The following CCSER1 variants were observed in gnomAD, a reference collection of about 807,000 sequenced individuals.
CCSER1 encodes coiled-coil serine rich protein 1.
CCSER1 carries 41 observed loss-of-function variants against 82.0 expected under a neutral mutation model. That is an observed-to-expected ratio of 0.50 (90% confidence interval 0.39 to 0.65). CCSER1 has a LOEUF of 0.65. CCSER1 is among the 30% of genes least tolerant of loss of function. CCSER1 has a pLI of 0.00. For synonymous variants in CCSER1, 414 were observed against 383.9 expected (o/e 1.08, Z -0.92); for missense variants, 1,119 against 1,064.2 (o/e 1.05, Z -0.72).
At chr4:91,342,959 A>G (rs1403123676) in intron 10 of CCSER1, among the ~76,000 whole-genome samples, 1 of 152,118 alleles carries the variant, frequency 6.6e-6, no homozygotes, top group Non-Finnish European at 1.5e-5. Flanking sequence ...TTTAAAGTTT[A>G]TTATATTTTT....
chr4:90,974,047 C>G (rs1735370504), intron 9 of CCSER1, among the ~76,000 whole-genome samples: 1 of 151,368 alleles, frequency 6.6e-6, no homozygotes, highest in African/African-American at 2.4e-5. Context: ...TGGTGGTTTT[C>G]AGGGGCTGGG....
intron 8 of CCSER1, among the ~76,000 whole-genome samples, chr4:90,880,479 C>A (rs1721139108): frequency 6.6e-6 from 1 of 152,170 alleles, no homozygotes; most frequent in African/African-American, 2.4e-5. Context: ...GGGTCAACTG[C>A]AGCTTATTGG....
chr4:90,163,220 T>G (rs898883431), intron 1 of CCSER1, among the ~76,000 whole-genome samples: 23 of 152,198 alleles, frequency 1.5e-4, no homozygotes, highest in African/African-American at 5.1e-4. Context: ...ATTGCATTGT[T>G]AAAGGCAGGT....
At chr4:90,726,012 T>C (rs780209367) in intron 7 of CCSER1, among the ~76,000 whole-genome samples, 4 of 151,932 alleles carry the variant, frequency 2.6e-5, no homozygotes, top group Non-Finnish European at 5.9e-5. Flanking sequence ...ATACAGTGAT[T>C]TCAGCACTCA....
chr4:91,517,257 C>T (rs977607330), intron 10 of CCSER1, among the ~76,000 whole-genome samples: 1 of 152,114 alleles, frequency 6.6e-6, no homozygotes, highest in Non-Finnish European at 1.5e-5. Context: ...TGAGAGAGGG[C>T]ATCTTTGTGT....
chr4:90,660,490 A>AT (rs1400980453), intron 6 of CCSER1, among the ~76,000 whole-genome samples: 1 of 152,104 alleles, frequency 6.6e-6, no homozygotes, highest in Non-Finnish European at 1.5e-5. Flanking sequence ...GTGTCATAAC[A>AT]TTTCAAATTG....
chr4:90,917,736 A>G (rs1179651624), intron 8 of CCSER1, among the ~76,000 whole-genome samples: 1 of 152,138 alleles, frequency 6.6e-6, no homozygotes, highest in Non-Finnish European at 1.5e-5. Context: ...CCTAAAAAAA[A>G]TCTTTTATTA....
chr4:90,890,407 T>G (rs185519938), intron 8 of CCSER1, among the ~76,000 whole-genome samples: 6 of 152,188 alleles, frequency 3.9e-5, no homozygotes, highest in Non-Finnish European at 7.3e-5. Flanking sequence ...TTTACCTTTT[T>G]GTGTGTGGGT....
intron 10 of CCSER1, among the ~76,000 whole-genome samples, chr4:91,208,411 G>T (rs146286517): frequency 9.1e-4 from 139 of 151,938 alleles, no homozygotes; most frequent in African/African-American, 3.3e-3. Context: ...TGTATTTGGT[G>T]TAAGGAAGTG....
chr4:90,285,845 G>T (rs2153462988), intron 1 of CCSER1, among the ~76,000 whole-genome samples: 1 of 151,952 alleles, frequency 6.6e-6, no homozygotes, highest in Middle Eastern at 3.4e-3. Context: ...TTATCATGAA[G>T]GGATGTTGAA....
At chr4:90,639,072 C>T (rs545081787) in intron 6 of CCSER1, among the ~76,000 whole-genome samples, 1 of 152,022 alleles carries the variant, frequency 6.6e-6, no homozygotes, top group South Asian at 2.1e-4. Flanking sequence ...TGAACATGAG[C>T]CACTGCAGTG....
intron 7 of CCSER1, among the ~76,000 whole-genome samples, chr4:90,757,525 T>C (rs1749724846): frequency 6.6e-6 from 1 of 152,202 alleles, no homozygotes. Flanking sequence ...TACAGGAGCT[T>C]AGTCCAAAGC....
chr4:90,967,469 TC>T (rs566083485), intron 9 of CCSER1, among the ~76,000 whole-genome samples: 286 of 151,768 alleles, frequency 1.9e-3, no homozygotes, highest in Non-Finnish European at 2.9e-3. Flanking sequence ...AAAAGTATTT[TC>T]AACCCATGGT....
At chr4:91,401,601 A>G (rs1235703194) in intron 10 of CCSER1, among the ~76,000 whole-genome samples, 3 of 151,826 alleles carry the variant, frequency 2.0e-5, no homozygotes, top group Non-Finnish European at 4.4e-5. Flanking sequence ...CCATGTGTCC[A>G]AGTGTTCTCA....
intron 6 of CCSER1, among the ~76,000 whole-genome samples, chr4:90,657,247 A>T (rs1274636530): frequency 6.6e-6 from 1 of 151,934 alleles, no homozygotes; most frequent in African/African-American, 2.4e-5. Context: ...GTTTGCAGTT[A>T]TTTTTATTTT....
chr4:90,303,655 A>G (rs1676399757), intron 1 of CCSER1, among the ~76,000 whole-genome samples: 1 of 152,152 alleles, frequency 6.6e-6, no homozygotes, highest in East Asian at 1.9e-4. Flanking sequence ...TCAATTCAAG[A>G]TGGATTAAAG....
chr4:90,213,510 G>A (rs939165079), intron 1 of CCSER1, among the ~76,000 whole-genome samples: 1 of 152,126 alleles, frequency 6.6e-6, no homozygotes, highest in Admixed American at 6.5e-5. Flanking sequence ...CATTTACCAC[G>A]TGGAACTAGG....
chr4:91,328,284 A>G (rs1746704435), intron 10 of CCSER1, among the ~76,000 whole-genome samples: 1 of 152,204 alleles, frequency 6.6e-6, no homozygotes, highest in South Asian at 2.1e-4. Context: ...CAGGCTGTAC[A>G]GGAAAGCTGT....
chr4:90,260,215 T>A (rs1486757981), intron 1 of CCSER1, among the ~76,000 whole-genome samples: 1 of 152,216 alleles, frequency 6.6e-6, no homozygotes, highest in African/African-American at 2.4e-5. Context: ...TTCTAAGAAT[T>A]TATCCATTTC....
Sources: allele counts gnomAD v4.1 joint callset (sites outside exome capture counted in the v4.1 genomes callset), GRCh38; gene constraint gnomAD v4.1.1; transcripts MANE v1.5; gene names NCBI Gene and HGNC (gene_info 2026-07-23, HGNC 2026-07-21).